XRCC6: variants seen among roughly 807,000 people sequenced by gnomAD.
XRCC6 encodes the protein DNA repair protein Ku70.
A neutral mutation model predicts 65.7 loss-of-function variants in XRCC6; 5 were observed. That is an observed-to-expected ratio of 0.08 (90% CI 0.04 to 0.16). XRCC6 has a LOEUF of 0.16. Among genes scored for constraint, XRCC6 ranks in the 10% least tolerant of loss-of-function variants. The probability of loss-of-function intolerance (pLI) is 1.00; values close to 1 mark genes in which losing one functional copy is unlikely to be tolerated. For missense variants in XRCC6, 447 were observed against 738.1 expected (o/e 0.61, Z 4.57); for synonymous variants, 270 against 270.6 (o/e 1.00, Z 0.02).
intron 7 of XRCC6, among the ~76,000 whole-genome samples, chr22:41,647,379 C>T (rs1476771293): frequency 3.9e-5 from 6 of 152,006 alleles, no homozygotes; most frequent in Admixed American, 3.3e-4. Context: ...GTCAGGAGTT[C>T]AAGACCAGCC....
intron 3 of XRCC6, among the ~76,000 whole-genome samples, chr22:41,629,370 G>A (rs2067714987): frequency 1.3e-5 from 2 of 152,144 alleles, no homozygotes; most frequent in Admixed American, 1.3e-4. Flanking sequence ...TCCATGAAAA[G>A]GAATGAATAA....
chr22:41,634,177 CA>C (rs894962495), intron 3 of XRCC6, among the ~76,000 whole-genome samples: 1 of 151,440 alleles, frequency 6.6e-6, no homozygotes, highest in Non-Finnish European at 1.5e-5. Flanking sequence ...TTGCAGGTTC[CA>C]AAACTTAATT....
intron 6 of XRCC6, among the ~76,000 whole-genome samples, chr22:41,638,988 G>T (rs533997772): frequency 1.3e-5 from 2 of 152,212 alleles, no homozygotes; most frequent in East Asian, 3.9e-4. Flanking sequence ...CATGAGTGAT[G>T]CCTTGTGCGA....
chr22:41,660,669 G>A (rs1348922430), intron 11 of XRCC6, among the ~76,000 whole-genome samples: 2 of 152,024 alleles, frequency 1.3e-5, no homozygotes, highest in Non-Finnish European at 2.9e-5. Flanking sequence ...TTCTCTCCCA[G>A]TGCCTTCTGC....
At chr22:41,660,387 G>A (rs2068088531) in intron 11 of XRCC6, among the ~76,000 whole-genome samples, 1 of 152,100 alleles carries the variant, frequency 6.6e-6, no homozygotes, top group Non-Finnish European at 1.5e-5. Flanking sequence ...TGTGATTTCA[G>A]TTAAATAATA....
chr22:41,624,623 G>A (rs375636148), intron 2 of XRCC6, among the ~76,000 whole-genome samples: 3 of 149,888 alleles, frequency 2.0e-5, no homozygotes, highest in Non-Finnish European at 4.4e-5. Flanking sequence ...GGGAGGCAGA[G>A]CTTGCAGTGA....
At chr22:41,663,566 G>A (rs1047421034) in intron 12 of XRCC6, 56 bp from the exon 13 acceptor site, 92 of 1,557,988 alleles carry the variant, frequency 5.9e-5, no homozygotes, top group Non-Finnish European at 7.6e-5. Context: ...CCATGTAGCT[G>A]GGATGCCACT....
intron 3 of XRCC6, among the ~76,000 whole-genome samples, chr22:41,631,101 C>T (rs1448712798): frequency 2.7e-5 from 4 of 149,726 alleles, no homozygotes; most frequent in Non-Finnish European, 5.9e-5. Flanking sequence ...GATGACCCCC[C>T]CACCTCCCTC....
chr22:41,644,170 TC>T (rs2067907597), intron 6 of XRCC6, among the ~76,000 whole-genome samples: 1 of 152,144 alleles, frequency 6.6e-6, no homozygotes, highest in Non-Finnish European at 1.5e-5. Flanking sequence ...AAAAATGTTT[TC>T]CTCGTGATTT....
chr22:41,630,614 GTC>G (rs1344990827), intron 3 of XRCC6, among the ~76,000 whole-genome samples: 2 of 151,562 alleles, frequency 1.3e-5, no homozygotes, highest in African/African-American at 4.9e-5. Flanking sequence ...GTGAACAAAG[GTC>G]TCTGGTTTTC....
intron 7 of XRCC6, among the ~76,000 whole-genome samples, chr22:41,649,139 A>AAAAAATATATATAT: frequency 1.4e-4 from 12 of 88,728 alleles, no homozygotes; most frequent in Admixed American, 5.2e-4. Context: ...AAAAAAAAAA[A>AAAAAATATATATAT]ATATATATAT....
At chr22:41,650,094 T>G (rs1000387605) in intron 7 of XRCC6, among the ~76,000 whole-genome samples, 8 of 150,306 alleles carry the variant, frequency 5.3e-5, no homozygotes, top group African/African-American at 2.0e-4. Context: ...GACAGGTCAG[T>G]ACATTTTTTT....
intron 6 of XRCC6, among the ~76,000 whole-genome samples, chr22:41,644,797 A>G (rs749294434): frequency 1.3e-5 from 2 of 152,106 alleles, no homozygotes; most frequent in East Asian, 3.9e-4. Flanking sequence ...CCTGCAGAAC[A>G]CATTTTCAAG....
intron 2 of XRCC6, 33 bp downstream of exon 2, chr22:41,622,119 G>T (rs764558937): frequency 6.2e-7 from 1 of 1,611,948 alleles, no homozygotes; most frequent in South Asian, 1.1e-5. Flanking sequence ...GCCATTCGGT[G>T]TGTGGAAGAA....
intron 7 of XRCC6, 81 bp from the exon 8 acceptor site, chr22:41,650,642 C>G: frequency 5.5e-6 from 8 of 1,463,696 alleles, no homozygotes; most frequent in Non-Finnish European, 6.6e-6. Flanking sequence ...CTGATTTTAA[C>G]TTGCTAGTGT....
chr22:41,645,609 G>A (rs1357022215), intron 6 of XRCC6, among the ~76,000 whole-genome samples: 1 of 152,010 alleles, frequency 6.6e-6, no homozygotes, highest in African/African-American at 2.4e-5. Flanking sequence ...CTGTAGTCGG[G>A]GAAGGGTAAT....
At chr22:41,649,139 A>AAAAAAAATATATATATAT in intron 7 of XRCC6, among the ~76,000 whole-genome samples, 12 of 88,724 alleles carry the variant, frequency 1.4e-4, no homozygotes, top group Admixed American at 5.2e-4. Flanking sequence ...AAAAAAAAAA[A>AAAAAAAATATATATATAT]ATATATATAT....
intron 6 of XRCC6, among the ~76,000 whole-genome samples, chr22:41,646,426 A>G (rs886770680): frequency 6.6e-6 from 1 of 152,134 alleles, no homozygotes; most frequent in Non-Finnish European, 1.5e-5. Flanking sequence ...CTATCATTTT[A>G]TTATACGGGT....
chr22:41,650,694 A>G, intron 7 of XRCC6, 29 bp from the exon 8 acceptor site: 3 of 1,607,896 alleles, frequency 1.9e-6, no homozygotes, highest in Non-Finnish European at 2.6e-6. Context: ...TAGCCTTCCC[A>G]TTTGATCCTT....
Sources: allele counts gnomAD v4.1 joint callset (sites outside exome capture counted in the v4.1 genomes callset), GRCh38; gene constraint gnomAD v4.1.1; transcripts MANE v1.5; gene names NCBI Gene and HGNC (gene_info 2026-07-23, HGNC 2026-07-21).